Variants in ACOT12 observed in about 807,000 individuals in gnomAD.
The protein encoded by ACOT12 is acyl-CoA thioesterase 12.
In ACOT12, 51 loss-of-function variants were observed where a neutral mutation model predicts 67.7. That is an observed-to-expected ratio of 0.75 (90% CI 0.60 to 0.95). The LOEUF (loss-of-function observed/expected upper bound fraction) is 0.95. ACOT12 is among the 40% of genes least tolerant of loss of function. The pLI, the probability that ACOT12 is intolerant of heterozygous loss-of-function variation, is 0.00. For missense variants in ACOT12, 734 were observed against 708.1 expected (o/e 1.04, Z -0.41); for synonymous variants, 251 against 244.6 (o/e 1.03, Z -0.24).
Position 81,375,086 on chromosome 5 carries a change from A to G in ACOT12, c.198-3276T>C, listed in dbSNP as rs1041326531. Among the ~76,000 whole-genome samples, 9 of 152,232 alleles carry G rather than the reference A, an allele frequency of 5.9e-5. No homozygotes were observed. In the East Asian group the frequency reaches 1.7e-3, roughly 29 times the overall value. The stretch of plus-strand genomic sequence containing the variant: ...GAAGGAAAAAATGTTAAGGGCAGCC[A>G]GAGAGAAAGGTCAGGTTACCCACAA... On this transcript the variant is annotated intron_variant, in intron 2 of 14. Transcript: ENST00000307624.
At chr5:81,312,433 CCTT>C in the ACOT12 span, 1 of 784,702 alleles carries the variant, frequency 1.3e-6, no homozygotes, top group Non-Finnish European at 2.1e-6. Flanking sequence ...AGTCTTCCCT[CCTT>C]GTGATTATTC....
At chr5:81,385,482 A>T (rs1760701781) in intron 2 of ACOT12, among the ~76,000 whole-genome samples, 1 of 152,014 alleles carries the variant, frequency 6.6e-6, no homozygotes, top group Non-Finnish European at 1.5e-5. Context: ...AGCTTATAGA[A>T]AGTCTGTTTG....
At chr5:81,372,011 T>C (rs1051229063) in intron 2 of ACOT12, among the ~76,000 whole-genome samples, 5 of 152,142 alleles carry the variant, frequency 3.3e-5, no homozygotes, top group Admixed American at 2.6e-4. Context: ...ACCACACTTA[T>C]GGTGTTAGCG....
At chr5:81,308,966 T>C in the ACOT12 span, 3 of 1,613,338 alleles carry the variant, frequency 1.9e-6, no homozygotes, top group Admixed American at 5.0e-5. Flanking sequence ...TTTTGCAAAA[T>C]GTTTTGTTTG....
intron 5 of ACOT12, among the ~76,000 whole-genome samples, chr5:81,348,893 G>A (rs1343623113): frequency 2.0e-5 from 3 of 152,178 alleles, no homozygotes; most frequent in Non-Finnish European, 2.9e-5. Flanking sequence ...TATCTGCTCC[G>A]TTTACTAACA....
chr5:81,379,194 G>A (rs1309093106), intron 2 of ACOT12, among the ~76,000 whole-genome samples: 2 of 152,012 alleles, frequency 1.3e-5, no homozygotes, highest in Non-Finnish European at 2.9e-5. Flanking sequence ...CATTGATGAA[G>A]CTGGAAACCG....
intron 5 of ACOT12, among the ~76,000 whole-genome samples, chr5:81,350,780 C>T (rs62365871): frequency 1.3e-5 from 2 of 152,234 alleles, no homozygotes; most frequent in African/African-American, 4.8e-5. Flanking sequence ...TTTTTTTTCC[C>T]ATTCCACCTA....
Position 81,345,957 on chromosome 5 carries a change from T to A in ACOT12, c.701A>T (p.Lys234Met). 4 of 1,614,046 alleles carry A rather than the reference T, an allele frequency of 2.5e-6. No homozygotes were observed. The highest frequency in any genetic ancestry group is 3.4e-6 in the Non-Finnish European group (4 of 1,179,974). ...HPFLKSVDMF[K>M]FRGPSTVGDR... is the part of the protein sequence containing the mutation. ...TCCAACTGTAGATGGTCCCCGGAAC[T>A]TAAACATATCTACGGACTTCAGAAA... is the stretch of plus-strand genomic sequence containing the variant. Residue 234 changes from lysine (K) to methionine (M), a missense_variant, in exon 7 of 15, where the codon AAG (lysine) becomes ATG (methionine). By Grantham distance (95) the Lys-to-Met change is moderately conservative. Coordinates refer to ENST00000307624, the MANE Select transcript of ACOT12 (RefSeq NM_130767.3).
At chr5:81,357,946 C>T (rs1330284434) in intron 5 of ACOT12, among the ~76,000 whole-genome samples, 1 of 140,162 alleles carries the variant, frequency 7.1e-6, no homozygotes, top group Non-Finnish European at 1.5e-5. Context: ...GCAGAGGTTG[C>T]AGTGAGCTGA....
In ACOT12 at chr5:81,394,097, G is replaced by A. The variant is rs1472568343; in HGVS notation, c.18C>T (p.Pro6=). 2 of 1,456,154 alleles carry A rather than the reference G, an allele frequency of 1.4e-6. No individual in the cohort carries two copies. Among genetic ancestry groups the A allele is most frequent in the African/African-American group, 1.5e-5 (1 of 68,364 alleles). The allele number at this position is 1,456,154 out of a possible 1,614,324, so 90.2% of individuals were successfully genotyped here. Residue 6 remains proline (P), a synonymous_variant, in exon 1 of 15, where the codon CCC becomes CCT. Coordinates refer to ENST00000307624, the MANE Select transcript of ACOT12 (RefSeq NM_130767.3). The part of the protein sequence containing the change: MERPA[P]GEVVMSQAIQ... ...TGGCTTGGCTCATGACCACCTCGCCGGGCGCCGGCCGCTCCATGGCCAGGG... is the reference window on the plus strand; with the variant it reads ...TGGCTTGGCTCATGACCACCTCGCCAGGCGCCGGCCGCTCCATGGCCAGGG...
intron 11 of ACOT12, among the ~76,000 whole-genome samples, chr5:81,341,043 T>G (rs1759177812): frequency 1.3e-5 from 2 of 152,236 alleles, no homozygotes; most frequent in Admixed American, 1.3e-4. Context: ...TTCTACGACT[T>G]CACTAAATAT....
downstream of ACOT12, among the ~76,000 whole-genome samples, chr5:81,326,372 C>T (rs933305140): frequency 6.6e-6 from 1 of 152,094 alleles, no homozygotes; most frequent in Admixed American, 6.6e-5. Context: ...GATCTGCCCA[C>T]CTCACCCTCC....
the ACOT12 span, among the ~76,000 whole-genome samples, chr5:81,320,672 AC>A: frequency 6.6e-6 from 1 of 152,190 alleles, no homozygotes; most frequent in Non-Finnish European, 1.5e-5. Context: ...AATCACAAAA[AC>A]ACACAAGAAA....
chr5:81,343,082 G>T (rs1240865596), intron 10 of ACOT12, among the ~76,000 whole-genome samples: 1 of 152,172 alleles, frequency 6.6e-6, no homozygotes, highest in Non-Finnish European at 1.5e-5. Flanking sequence ...CTTGGAGGCT[G>T]AGGCAGAAGA....
At chr5:81,338,306 C>T (rs1193479163) in intron 11 of ACOT12, among the ~76,000 whole-genome samples, 9 of 152,148 alleles carry the variant, frequency 5.9e-5, no homozygotes, top group Admixed American at 3.9e-4. Context: ...ATTGTAATCC[C>T]CAGTGCTGGA....
chr5:81,308,767 C>A, the ACOT12 span: 1 of 1,556,860 alleles, frequency 6.4e-7, no homozygotes, highest in African/African-American at 1.4e-5. Context: ...ATAAATAGCA[C>A]CTTGGGTATT....
At chr5:81,352,496 G>A (rs911804809) in intron 5 of ACOT12, among the ~76,000 whole-genome samples, 1 of 152,128 alleles carries the variant, frequency 6.6e-6, no homozygotes, top group Non-Finnish European at 1.5e-5. Flanking sequence ...GTGAAATAAG[G>A]CACAGAAAGA....
intron 1 of ACOT12, among the ~76,000 whole-genome samples, chr5:81,387,029 A>G (rs1226219194): frequency 3.2e-5 from 4 of 123,182 alleles, no homozygotes; most frequent in African/African-American, 1.3e-4. Flanking sequence ...CTTTTTTCAG[A>G]TAGAGTCTCA....
the ACOT12 span, among the ~76,000 whole-genome samples, chr5:81,319,840 T>C: frequency 7.4e-6 from 1 of 135,440 alleles, no homozygotes; most frequent in African/African-American, 2.7e-5. Context: ...TCTCTAAATA[T>C]TTGCCTACTC....
Sources: allele counts gnomAD v4.1 joint callset (sites outside exome capture counted in the v4.1 genomes callset), GRCh38; gene constraint gnomAD v4.1.1; transcripts MANE v1.5; gene names NCBI Gene and HGNC (gene_info 2026-07-23, HGNC 2026-07-21).